PPP6R2: variants seen among roughly 807,000 people sequenced by gnomAD.
PPP6R2 encodes the protein protein phosphatase 6 regulatory subunit 2.
A neutral mutation model predicts 100.2 loss-of-function variants in PPP6R2; 62 were observed. The ratio of observed to expected loss-of-function variants is 0.62; its 90% CI spans 0.50 to 0.76. The LOEUF (loss-of-function observed/expected upper bound fraction) is 0.76. PPP6R2 is among the 30% of genes least tolerant of loss of function. The pLI is 0.00. For missense variants in PPP6R2, 1,142 were observed against 1,276.3 expected, an observed-to-expected ratio of 0.89 and a Z score of 1.60; for synonymous variants, 525 against 514.7, an observed-to-expected ratio of 1.02 and a Z score of -0.27.
At chr22:50,390,953 C>G (rs1365383281) in intron 2 of PPP6R2, among the ~76,000 whole-genome samples, 1 of 149,270 alleles carries the variant, frequency 6.7e-6, no homozygotes, top group Non-Finnish European at 1.5e-5. Flanking sequence ...GAGCCGAGGT[C>G]GTGCCACTGC....
chr22:50,393,459 C>A (rs1049187782), intron 2 of PPP6R2: 1 of 984,850 alleles, frequency 1.0e-6, no homozygotes. Flanking sequence ...GGAGAGACAC[C>A]TGGGCGCATT....
chr22:50,340,197 T>TA (rs2042356647), upstream of PPP6R2, among the ~76,000 whole-genome samples: 1 of 84,588 alleles, frequency 1.2e-5, no homozygotes, highest in Non-Finnish European at 2.4e-5. Context: ...GGTGTGTGTG[T>TA]GGTATGGAGT....
rs527466740 is a variant in PPP6R2 at position 50,392,126 on chromosome 22, T to G, written c.-16-1767T>G. On this transcript the variant is annotated intron_variant, in intron 2 of 23. Transcript: ENST00000612753. The stretch of plus-strand genomic sequence containing the variant: ...TTAGGAATCATTATTTCTGGTCCTC[T>G]GAAGTTTGCCGCTACCACTCATAAA... 5 of 152,188 alleles carry G rather than the reference T, an allele frequency of 3.3e-5. No individual in the cohort carries two copies. In the South Asian group the frequency reaches 8.3e-4, roughly 25 times the overall value. The allele number at this position is 152,188 out of a possible 1,614,324, so 9.4% of individuals were successfully genotyped here.
chr22:50,368,830 G>T (rs1370948819), intron 1 of PPP6R2, among the ~76,000 whole-genome samples: 1 of 142,962 alleles, frequency 7.0e-6, no homozygotes, highest in Non-Finnish European at 1.5e-5. Context: ...GCTAATGCTG[G>T]TGCTGTTTAG....
At chr22:50,365,475 G>A (rs2048573146) in intron 1 of PPP6R2, among the ~76,000 whole-genome samples, 1 of 151,868 alleles carries the variant, frequency 6.6e-6, no homozygotes. Context: ...TCAGGAGATC[G>A]AGACCATCCT....
rs563586938 is a variant in PPP6R2 at position 50,362,139 on chromosome 22, G to A, written c.-147-9881G>A. 2.0e-5 allele frequency among the ~76,000 whole-genome samples: 3 copies of A among 152,348 alleles called. No homozygotes were observed. In the South Asian group the frequency reaches 6.2e-4, roughly 32 times the overall value. On this transcript the variant is annotated intron_variant, in intron 1 of 23. Transcript: ENST00000612753. ...GCATTGGGCTCCAGGAAGGGGAGGA[G>A]TCGGGGCTAGGGCCCTTAGCACTGG...
upstream of PPP6R2, among the ~76,000 whole-genome samples, chr22:50,339,197 GTTGTA>G (rs2042339775): frequency 2.0e-5 from 3 of 147,550 alleles, no homozygotes; most frequent in South Asian, 2.2e-4. Flanking sequence ...TGTAGTGTGT[GTTGTA>G]TGTGGTGTGT....
At chr22:50,337,665 GGTGT>G in the PPP6R2 span, among the ~76,000 whole-genome samples, 11 of 135,108 alleles carry the variant, frequency 8.1e-5, no homozygotes, top group Non-Finnish European at 1.1e-4. Flanking sequence ...TGGTGTGTGT[GGTGT>G]GTGTGTGTGT....
At chr22:50,350,622 G>C (rs2044851277) in intron 1 of PPP6R2, among the ~76,000 whole-genome samples, 1 of 151,772 alleles carries the variant, frequency 6.6e-6, no homozygotes, top group African/African-American at 2.4e-5. Context: ...GAGACAGGCA[G>C]ATCACGAGGT....
chr22:50,382,602 TAAA>T (rs2053355352), intron 2 of PPP6R2, among the ~76,000 whole-genome samples: 1 of 151,358 alleles, frequency 6.6e-6, no homozygotes, highest in African/African-American at 2.4e-5. Flanking sequence ...GAATTATAAA[TAAA>T]AAATACCTGG....
At chr22:50,342,373 T>C (rs2042498210), upstream of PPP6R2, among the ~76,000 whole-genome samples, 1 of 152,226 alleles carries the variant, frequency 6.6e-6, no homozygotes, top group Non-Finnish European at 1.5e-5. Flanking sequence ...GCATCTGCTA[T>C]AAAACCGGCG....
At chr22:50,338,513 TGTGTGTGTGCGGTGTGTGTGTAGG>T (rs2147822333), upstream of PPP6R2, among the ~76,000 whole-genome samples, 2 of 134,586 alleles carry the variant, frequency 1.5e-5, no homozygotes, top group East Asian at 4.6e-4. Context: ...GTGTGTGTAG[TGTGTGTGTGCGGTGTGTGTGTAGG>T]GTGTGTGGTG....
chr22:50,340,587 G>T (rs541836840), upstream of PPP6R2, among the ~76,000 whole-genome samples: 231 of 127,414 alleles, frequency 1.8e-3, no homozygotes, highest in Non-Finnish European at 3.1e-3. Context: ...TGTGGTGTGT[G>T]GTGTGTGTGT....
At chr22:50,385,986 G>T (rs1343337375) in intron 2 of PPP6R2, among the ~76,000 whole-genome samples, 1 of 149,074 alleles carries the variant, frequency 6.7e-6, no homozygotes, top group Non-Finnish European at 1.5e-5. Context: ...ACCACGCCAG[G>T]CTAATTTTTT....
chr22:50,359,938 A>G (rs2047435849), intron 1 of PPP6R2, among the ~76,000 whole-genome samples: 1 of 152,104 alleles, frequency 6.6e-6, no homozygotes, highest in Non-Finnish European at 1.5e-5. Flanking sequence ...TATGATAAGG[A>G]CAAATTCCCT....
At chr22:50,396,904 G>A (rs2057014047) in intron 3 of PPP6R2, among the ~76,000 whole-genome samples, 1 of 152,138 alleles carries the variant, frequency 6.6e-6, no homozygotes, top group South Asian at 2.1e-4. Flanking sequence ...TGTGGCTTCT[G>A]GTCACACCTG....
upstream of PPP6R2, among the ~76,000 whole-genome samples, chr22:50,340,413 GGGTGTGTGTGGTGTGTGT>G (rs1293226923): frequency 3.1e-5 from 3 of 97,274 alleles, no homozygotes; most frequent in Non-Finnish European, 4.2e-5. Flanking sequence ...TGTGTGTGTA[GGGTGTGTGTGGTGTGTGT>G]GGTGTGTGTG....
intron 10 of PPP6R2, among the ~76,000 whole-genome samples, chr22:50,424,715 G>A (rs1170024271): frequency 7.5e-6 from 1 of 134,036 alleles, no homozygotes; most frequent in East Asian, 2.6e-4. Context: ...TTGGCTCACT[G>A]CAATCTCCGA....
chr22:50,368,317 TCTG>T lies in PPP6R2; in HGVS notation c.-147-3700_-147-3698del, dbSNP rs1329227111. Among the ~76,000 whole-genome samples, 6 of 152,248 alleles carry T rather than the reference TCTG, an allele frequency of 3.9e-5. 1 individual carries two copies. The highest frequency in any genetic ancestry group is 3.4e-3 in the Middle Eastern group (1 of 294). ...AAGGGAGACAGACTCCCTTTCCCAGTCTGCTAAGTAACGGGTGCCTTCTCAGGC... is the reference window on the plus strand; with the variant it reads ...AAGGGAGACAGACTCCCTTTCCCAGTCTAAGTAACGGGTGCCTTCTCAGGC... On this transcript the variant is annotated intron_variant, in intron 1 of 23. Coordinates refer to ENST00000612753, the MANE Select transcript of PPP6R2 (RefSeq NM_001242898.2).
Sources: allele counts gnomAD v4.1 joint callset (sites outside exome capture counted in the v4.1 genomes callset), GRCh38; gene constraint gnomAD v4.1.1; transcripts MANE v1.5; gene names NCBI Gene and HGNC (gene_info 2026-07-23, HGNC 2026-07-21).